The following HSPBAP1 variants were observed in gnomAD, a reference collection of about 807,000 sequenced individuals.
HSPBAP1 encodes HSPB1-associated protein 1.
In HSPBAP1, 27 loss-of-function variants were observed where a neutral mutation model predicts 45.2. The ratio of observed to expected loss-of-function variants is 0.60; its 90% CI spans 0.44 to 0.82. The LOEUF (loss-of-function observed/expected upper bound fraction) is 0.82, where lower values mean the gene tolerates loss of function less well. Among genes scored for constraint, HSPBAP1 ranks in the 40% least tolerant of loss-of-function variants. The probability of loss-of-function intolerance (pLI) is 0.00; values close to 1 mark genes in which losing one functional copy is unlikely to be tolerated. For missense variants in HSPBAP1, 510 were observed against 590.9 expected (o/e 0.86, Z 1.42); for synonymous variants, 204 against 202.7 (o/e 1.01, Z -0.06).
chr3:122,763,249 G>C (rs913236429), intron 3 of HSPBAP1, among the ~76,000 whole-genome samples: 1 of 152,228 alleles, frequency 6.6e-6, no homozygotes, highest in African/African-American at 2.4e-5. Context: ...TGCAGTGACA[G>C]AAAGTAGATC....
At chr3:122,785,468 C>G (rs1935622403) in intron 1 of HSPBAP1, among the ~76,000 whole-genome samples, 1 of 152,178 alleles carries the variant, frequency 6.6e-6, no homozygotes, top group Admixed American at 6.5e-5. Flanking sequence ...TCACCTTGGC[C>G]TGCCTTCAGC....
At chr3:122,782,928 C>T (rs536083899) in intron 1 of HSPBAP1, among the ~76,000 whole-genome samples, 1 of 152,316 alleles carries the variant, frequency 6.6e-6, no homozygotes, top group Admixed American at 6.5e-5. Context: ...CAGACAAGGA[C>T]AAAAACTTGG....
intron 1 of HSPBAP1, among the ~76,000 whole-genome samples, chr3:122,779,697 T>C (rs372776656): frequency 2.8e-5 from 4 of 144,410 alleles, no homozygotes; most frequent in South Asian, 2.1e-4. Context: ...AGATTAGGGA[T>C]TGGTGATGAC....
chr3:122,740,344 A>ATC lies in HSPBAP1; in HGVS notation c.1466_1467dup, dbSNP rs1933613363. The ATC allele has an allele frequency of 2.5e-6, 4 of 1,571,444 alleles. No individual in the cohort carries two copies. The highest frequency in any genetic ancestry group is 3.5e-6 in the Non-Finnish European group (4 of 1,153,854). On this transcript the variant is annotated 3_prime_UTR_variant, in exon 8 of 8. Transcript: ENST00000306103. Reference sequence around the variant, plus strand: ...ATTTTAAAAGTCATCTTCCACTTGAATCATAAACTTCTTCCTTGTATCAAA... The same window carrying ATC: ...ATTTTAAAAGTCATCTTCCACTTGAATCTCATAAACTTCTTCCTTGTATCAAA...
At chr3:122,767,498 C>T (rs1366957366) in intron 3 of HSPBAP1, among the ~76,000 whole-genome samples, 1 of 151,500 alleles carries the variant, frequency 6.6e-6, no homozygotes, top group African/African-American at 2.4e-5. Context: ...GCAGAGGTTG[C>T]AGGGAGTCGT....
chr3:122,759,656 G>A (rs1387102267), intron 3 of HSPBAP1, among the ~76,000 whole-genome samples: 1 of 152,172 alleles, frequency 6.6e-6, no homozygotes, highest in African/African-American at 2.4e-5. Flanking sequence ...GAGACAAAAT[G>A]CCTACTCGGA....
Position 122,768,895 on chromosome 3 carries a change from A to G in HSPBAP1, c.251-13T>C. On this transcript the variant is annotated splice_polypyrimidine_tract_variant and intron_variant, in intron 2 of 7. Transcript: ENST00000306103. ...TCAAACTGAGGAACTGCAATGTAAG[A>G]GAATGCAACCTTAAATGTATAATGA... is the stretch of plus-strand genomic sequence containing the variant. The G allele has an allele frequency of 6.5e-7, 1 of 1,548,696 alleles. No homozygotes were observed. The highest frequency in any genetic ancestry group is 1.7e-4 in the Middle Eastern group (1 of 5,908).
intron 5 of HSPBAP1, 58 bp downstream of exon 5, chr3:122,755,200 TGA>T: frequency 2.2e-6 from 3 of 1,372,184 alleles, no homozygotes; most frequent in Non-Finnish European, 2.9e-6. Flanking sequence ...CATAAGGACT[TGA>T]GAGAGTTACA....
chr3:122,791,664 T>C (rs1240340619), intron 1 of HSPBAP1, among the ~76,000 whole-genome samples: 1 of 152,186 alleles, frequency 6.6e-6, no homozygotes, highest in East Asian at 1.9e-4. Flanking sequence ...CTGTTTTAAA[T>C]AGTTTGATCT....
At chr3:122,756,481 T>G (rs1441985065) in intron 4 of HSPBAP1, among the ~76,000 whole-genome samples, 1 of 152,024 alleles carries the variant, frequency 6.6e-6, no homozygotes, top group East Asian at 1.9e-4. Flanking sequence ...GAGGCCAGGA[T>G]AGAGAACAAC....
chr3:122,792,731 G>A (rs534354319), intron 1 of HSPBAP1, among the ~76,000 whole-genome samples: 3 of 151,980 alleles, frequency 2.0e-5, no homozygotes, highest in African/African-American at 7.3e-5. Context: ...AAATTAGCTG[G>A]GCGTGGTGGC....
At chr3:122,747,300 C>G (rs1222840633) in intron 6 of HSPBAP1, among the ~76,000 whole-genome samples, 7 of 151,914 alleles carry the variant, frequency 4.6e-5, no homozygotes, top group Non-Finnish European at 1.0e-4. Flanking sequence ...CGCCTCTGCC[C>G]GGCCGCGACC....
chr3:122,746,351 A>C (rs1933851648), intron 6 of HSPBAP1, among the ~76,000 whole-genome samples: 1 of 151,934 alleles, frequency 6.6e-6, no homozygotes, highest in African/African-American at 2.4e-5. Context: ...ACACATTAAA[A>C]AAACAGAGGC....
intron 2 of HSPBAP1, among the ~76,000 whole-genome samples, chr3:122,774,328 G>C (rs1466336962): frequency 6.6e-6 from 1 of 152,204 alleles, no homozygotes; most frequent in Non-Finnish European, 1.5e-5. Context: ...AGATCTGACA[G>C]AAGGAGATGA....
chr3:122,782,824 G>A (rs550641214), intron 1 of HSPBAP1, among the ~76,000 whole-genome samples: 2 of 152,302 alleles, frequency 1.3e-5, no homozygotes, highest in African/African-American at 4.8e-5. Flanking sequence ...GATAGGGAAG[G>A]AATCATCAAA....
At chr3:122,764,035 A>G (rs1372900644) in intron 3 of HSPBAP1, among the ~76,000 whole-genome samples, 1 of 152,134 alleles carries the variant, frequency 6.6e-6, no homozygotes, top group African/African-American at 2.4e-5. Flanking sequence ...AGCCTTCTCA[A>G]CCGCTTGTCC....
chr3:122,762,639 T>C (rs1314535887), intron 3 of HSPBAP1, among the ~76,000 whole-genome samples: 1 of 152,216 alleles, frequency 6.6e-6, no homozygotes, highest in Non-Finnish European at 1.5e-5. Flanking sequence ...TATGGATTAT[T>C]TGGAAGTGTA....
intron 1 of HSPBAP1, among the ~76,000 whole-genome samples, chr3:122,780,923 C>T (rs1935439170): frequency 2.2e-5 from 2 of 92,342 alleles, no homozygotes; most frequent in African/African-American, 3.3e-5. Flanking sequence ...GACGGGGCGG[C>T]GGGGCAGAGG....
chr3:122,787,408 A>G (rs1221508698), intron 1 of HSPBAP1, among the ~76,000 whole-genome samples: 1 of 152,222 alleles, frequency 6.6e-6, no homozygotes, highest in Non-Finnish European at 1.5e-5. Context: ...TAAGACAAGA[A>G]TAAGGAACAT....
Sources: allele counts gnomAD v4.1 joint callset (sites outside exome capture counted in the v4.1 genomes callset), GRCh38; gene constraint gnomAD v4.1.1; transcripts MANE v1.5; gene names NCBI Gene and HGNC (gene_info 2026-07-23, HGNC 2026-07-21).